The following NRG1 variants were observed in gnomAD, a reference collection of about 807,000 sequenced individuals.
NRG1 encodes neuregulin 1, also known as pro-neuregulin-1, membrane-bound isoform.
Under a neutral mutation model 63.8 loss-of-function variants are expected in NRG1, and 18 were observed. The observed-to-expected ratio is 0.28, with a 90% CI of 0.19 to 0.42. The LOEUF is 0.42. NRG1 is among the 10% of genes least tolerant of loss of function. The probability of loss-of-function intolerance (pLI) is 1.00; values close to 1 mark genes in which losing one functional copy is unlikely to be tolerated. For missense variants in NRG1, 762 were observed against 814.7 expected (o/e 0.94, Z 0.79); for synonymous variants, 302 against 301.3 (o/e 1.00, Z -0.02).
chr8:32,043,532 A>T (rs2130711116), intron 1 of NRG1, among the ~76,000 whole-genome samples: 1 of 152,128 alleles, frequency 6.6e-6, no homozygotes, highest in Admixed American at 6.5e-5. Context: ...TATATAAATA[A>T]ATATAGTACA....
chr8:32,414,190 A>C (rs1372163345), intron 1 of NRG1, among the ~76,000 whole-genome samples: 1 of 152,108 alleles, frequency 6.6e-6, no homozygotes, highest in Non-Finnish European at 1.5e-5. Flanking sequence ...AGTTAGTTTC[A>C]GGACCCTTTG....
intron 1 of NRG1, among the ~76,000 whole-genome samples, chr8:31,975,364 G>T (rs1039433022): frequency 1.3e-5 from 2 of 152,170 alleles, no homozygotes. Flanking sequence ...GAATCAGGAG[G>T]TGAGGATGGG....
chr8:32,540,839 C>A (rs923947933), intron 1 of NRG1, among the ~76,000 whole-genome samples: 1 of 152,100 alleles, frequency 6.6e-6, no homozygotes, highest in African/African-American at 2.4e-5. Context: ...CCAACCCAAT[C>A]TTTATGATTA....
At chr8:32,170,184 G>T (rs957986387) in intron 1 of NRG1, among the ~76,000 whole-genome samples, 3 of 152,136 alleles carry the variant, frequency 2.0e-5, no homozygotes, top group African/African-American at 7.2e-5. Flanking sequence ...ATTTTCTGTT[G>T]TTTGAAGCCA....
At chr8:32,346,490 A>G (rs1804914474) in intron 1 of NRG1, among the ~76,000 whole-genome samples, 1 of 151,690 alleles carries the variant, frequency 6.6e-6, no homozygotes, top group Non-Finnish European at 1.5e-5. Context: ...TAGATGGTCC[A>G]CTTACTACAG....
At chr8:31,687,073 A>T (rs1808974212) in intron 1 of NRG1, among the ~76,000 whole-genome samples, 1 of 151,984 alleles carries the variant, frequency 6.6e-6, no homozygotes. Context: ...CCGGCCCAGG[A>T]TGCTCCCTTT....
At chr8:31,734,391 C>T (rs149591443) in intron 1 of NRG1, among the ~76,000 whole-genome samples, 56 of 152,192 alleles carry the variant, frequency 3.7e-4, no homozygotes, top group Non-Finnish European at 6.3e-4. Context: ...TCCCTTTCCT[C>T]GGGCATCAGA....
At position 32,569,905 on chromosome 8, in the gene NRG1, C is replaced by CTTTTT. The variant is rs1209336043; in HGVS notation, c.100+21095_100+21099dup. Among the ~76,000 whole-genome samples, 14 of 121,602 alleles carry CTTTTT rather than the reference C, an allele frequency of 1.2e-4. 1 individual carries two copies. The highest frequency in any genetic ancestry group is 2.7e-4 in the South Asian group (1 of 3,684). 79.8% of individuals were successfully genotyped at this position (121,602 alleles called of 152,430 possible). A position where few individuals can be genotyped will look rare whatever the true frequency, so the allele number is the denominator to read the frequency against. On this transcript the variant is annotated intron_variant, in intron 1 of 11. Transcript: ENST00000356819. ...AGTTAATTCTTTTTCTGATAGTTAT[C>CTTTTT]TTTTTTTTTTTTTTTTTTTTGAGAT...
At chr8:32,771,715 A>AAAAAAATATATAT (rs1343943621), downstream of NRG1, among the ~76,000 whole-genome samples, 11 of 111,846 alleles carry the variant, frequency 9.8e-5, no homozygotes, top group South Asian at 6.2e-4. Flanking sequence ...TTAAAAAAAA[A>AAAAAAATATATAT]ATATATATAT....
chr8:32,303,568 AG>A (rs1855869811), intron 1 of NRG1, among the ~76,000 whole-genome samples: 1 of 152,240 alleles, frequency 6.6e-6, no homozygotes, highest in South Asian at 2.1e-4. Context: ...CGTTAGCAAA[AG>A]AACATTTAAA....
intron 1 of NRG1, among the ~76,000 whole-genome samples, chr8:31,738,210 A>C (rs75015200): frequency 3.9e-5 from 6 of 152,112 alleles, no homozygotes; most frequent in African/African-American, 1.4e-4. Flanking sequence ...ACGTTTATGC[A>C]AGAAACTGAT....
chr8:31,844,207 T>G (rs1178268599), intron 1 of NRG1, among the ~76,000 whole-genome samples: 1 of 152,170 alleles, frequency 6.6e-6, no homozygotes, highest in African/African-American at 2.4e-5. Flanking sequence ...AGGTGGGTGC[T>G]GAGCTGCCTC....
chr8:32,353,668 C>T (rs887616333), intron 1 of NRG1, among the ~76,000 whole-genome samples: 3 of 152,188 alleles, frequency 2.0e-5, no homozygotes, highest in African/African-American at 4.8e-5. Context: ...CTGACTGTAG[C>T]AACTAGTGGC....
chr8:31,949,975 T>G (rs1803216461), intron 1 of NRG1, among the ~76,000 whole-genome samples: 1 of 152,216 alleles, frequency 6.6e-6, no homozygotes, highest in African/African-American at 2.4e-5. Context: ...CATTAGCATG[T>G]CTTGGCTATT....
intron 1 of NRG1, among the ~76,000 whole-genome samples, chr8:31,649,463 T>C (rs901019493): frequency 6.6e-6 from 1 of 152,212 alleles, no homozygotes; most frequent in African/African-American, 2.4e-5. Flanking sequence ...TGTTGTTTTC[T>C]ATACAGAGTT....
intron 1 of NRG1, among the ~76,000 whole-genome samples, chr8:31,875,911 G>T (rs974574053): frequency 3.3e-5 from 5 of 152,116 alleles, no homozygotes; most frequent in Non-Finnish European, 5.9e-5. Context: ...AGAAGCAGAT[G>T]GCTGCTATTG....
At chr8:32,595,750 T>C (rs1045610070) in intron 1 of NRG1, 78 bp from the exon 2 acceptor site, 17 of 1,379,192 alleles carry the variant, frequency 1.2e-5, no homozygotes, top group Non-Finnish European at 1.6e-5. Flanking sequence ...TTGATCAGGC[T>C]AACTCCAGAT....
intron 1 of NRG1, among the ~76,000 whole-genome samples, chr8:31,892,812 T>C (rs1029409716): frequency 1.3e-5 from 2 of 152,214 alleles, no homozygotes; most frequent in Middle Eastern, 3.4e-3. Flanking sequence ...TGAGTTTCCT[T>C]TAAGCTAACG....
rs984858179 is a variant in NRG1 at position 32,533,154 on chromosome 8, G to C, written c.38-62674G>C. On this transcript the variant is annotated intron_variant, in intron 1 of 10. Coordinates refer to the NRG1 transcript ENST00000519301. The stretch of plus-strand genomic sequence containing the variant: ...TTTCCTGTGTATATATAATATAAAT[G>C]GTTATATACAAACAATAGAAGAAAT... Among the ~76,000 whole-genome samples the C allele has an allele frequency of 7.9e-5, 12 of 151,730 alleles. No individual in the cohort carries two copies. The East Asian group carries it at 2.3e-3, about 29-fold the overall frequency.
Sources: allele counts gnomAD v4.1 joint callset (sites outside exome capture counted in the v4.1 genomes callset), GRCh38; gene constraint gnomAD v4.1.1; transcripts MANE v1.5; gene names NCBI Gene and HGNC (gene_info 2026-07-23, HGNC 2026-07-21).